The following OBP2A variants were observed in gnomAD, a reference collection of about 807,000 sequenced individuals.
OBP2A encodes odorant-binding protein 2a.
In OBP2A, 15 loss-of-function variants were observed where a neutral mutation model predicts 21.9. The observed-to-expected ratio is 0.69, with a 90% CI of 0.46 to 1.06. The LOEUF is 1.06. Among genes scored for constraint, OBP2A ranks in the 50% least tolerant of loss-of-function variants. OBP2A has a pLI of 0.00. For missense variants in OBP2A, 192 were observed against 220.1 expected (o/e 0.87, Z 0.81); for synonymous variants, 86 against 91.8 (o/e 0.94, Z 0.36).
At chr9:135,547,845 A>C in intron 3 of OBP2A, 26 bp from the exon 4 acceptor site, 1 of 1,529,120 alleles carries the variant, frequency 6.5e-7, no homozygotes, top group South Asian at 1.2e-5. Flanking sequence ...AGGGCACTGA[A>C]GACCCATCTT....
At position 135,548,721 on chromosome 9, in the gene OBP2A, T is replaced by C. The variant is rs1262821637; in HGVS notation, c.402T>C (p.Asn134=). 5 of 1,613,972 alleles carry C rather than the reference T, an allele frequency of 3.1e-6. No individual in the cohort carries two copies. Among genetic ancestry groups the C allele is most frequent in the South Asian group, 2.2e-5 (2 of 91,064 alleles). The change falls in exon 5 of 7, where the codon AAT becomes AAC. Residue 134 remains asparagine (N), a synonymous_variant. Transcript: ENST00000371776. The part of the protein sequence containing the change: ...YMGKLVGRNP[N]TNLEALEEFK... ...CCTCACCTGCAGGTAGGAATCCTAA[T>C]ACCAACCTGGAGGCCCTGGAAGAAT...
At chr9:135,547,282 C>T (rs1378613667) in intron 3 of OBP2A, 34 bp downstream of exon 3, 3 of 1,607,550 alleles carry the variant, frequency 1.9e-6, no homozygotes. Flanking sequence ...CTCCCCATGC[C>T]CAACCCCGGA....
intron 4 of OBP2A, among the ~76,000 whole-genome samples, chr9:135,548,248 C>T (rs1316398153): frequency 6.6e-6 from 1 of 152,156 alleles, no homozygotes; most frequent in Non-Finnish European, 1.5e-5. Context: ...GGGGCCTCAC[C>T]TTAAGGGGGA....
rs1564240291 is a variant in OBP2A at position 135,548,703 on chromosome 9, T to C, written c.389-5T>C. On this transcript the variant is annotated splice_polypyrimidine_tract_variant and splice_region_variant and intron_variant, in intron 4 of 6. Coordinates refer to ENST00000371776, the MANE Select transcript of OBP2A (RefSeq NM_014582.3). ...CCTTGGCTCACCTGGCCACCTCACC[T>C]GCAGGTAGGAATCCTAATACCAACC... The C allele has an allele frequency of 1.2e-6, 2 of 1,613,916 alleles. No individual in the cohort carries two copies. Among genetic ancestry groups the C allele is most frequent in the South Asian group, 2.2e-5 (2 of 91,068 alleles).
chr9:135,546,796 G>A lies in OBP2A; in HGVS notation c.91G>A (p.Val31Met), dbSNP rs564413983. The A allele has an allele frequency of 8.7e-6, 14 of 1,612,020 alleles. No homozygotes were observed. The highest frequency in any genetic ancestry group is 1.7e-4 in the Middle Eastern group (1 of 6,022). Residue 31 changes from valine (V) to methionine (M), a missense_variant, in exon 2 of 7, where the codon GTG becomes ATG. Val to Met is a conservative substitution (Grantham distance 21). Coordinates refer to ENST00000371776, the MANE Select transcript of OBP2A (RefSeq NM_014582.3). ...GCTCCAGATCACAGGGACCTGGTAC[G>A]TGAAGGCCATGGTGGTCGATAAGGA... ...EEEDITGTWY[V>M]KAMVVDKDFP...
chr9:135,549,339 A>G lies in OBP2A; in HGVS notation c.*1+8A>G, dbSNP rs1346334559. 3 of 1,499,282 alleles carry G rather than the reference A, an allele frequency of 2.0e-6. No homozygotes were observed. The highest frequency in any genetic ancestry group is 1.7e-4 in the Middle Eastern group (1 of 5,812). The allele number at this position is 1,499,282 out of a possible 1,614,324, so 92.9% of individuals were successfully genotyped here. On this transcript the variant is annotated splice_region_variant and intron_variant, in intron 6 of 6. Coordinates refer to ENST00000371776, the MANE Select transcript of OBP2A (RefSeq NM_014582.3). Reference sequence around the variant, plus strand: ...GCGTTCTCGAACACTAGGGTGAGTGAGCCTTTAGGAGGGCACTGGACAAGC... The same window carrying G: ...GCGTTCTCGAACACTAGGGTGAGTGGGCCTTTAGGAGGGCACTGGACAAGC...
rs1023762339 is a variant in OBP2A at position 135,548,583 on chromosome 9, C to G, written c.389-125C>G. ...CTGTCCCCAGCCCCACCCCTGAGCT[C>G]TGATCCACTCTCGGGCCTCTCCCCC... is the stretch of plus-strand genomic sequence containing the variant. On this transcript the variant is annotated intron_variant, in intron 4 of 6. Transcript: ENST00000371776. 12 of 1,419,960 alleles carry G rather than the reference C, an allele frequency of 8.5e-6. No homozygotes were observed. The African/African-American group carries it at 1.7e-4, about 20-fold the overall frequency. 88.0% of individuals were successfully genotyped at this position (1,419,960 alleles called of 1,614,324 possible). A position where few individuals can be genotyped will look rare whatever the true frequency, so the allele number is the denominator to read the frequency against.
At chr9:135,549,377 G>A (rs1564241130) in intron 6 of OBP2A, 46 bp downstream of exon 6, 3 of 1,445,052 alleles carry the variant, frequency 2.1e-6, no homozygotes, top group Non-Finnish European at 1.9e-6. Context: ...AGAGTCCTGG[G>A]TTCCCGGGGT....
Position 135,546,902 on chromosome 9 carries a change from T to C in OBP2A, c.197T>C (p.Phe66Ser), listed in dbSNP as rs771594866. 84 of 1,613,626 alleles carry C rather than the reference T, an allele frequency of 5.2e-5. No homozygotes were observed. Among genetic ancestry groups the C allele is most frequent in the Non-Finnish European group, 7.1e-5 (84 of 1,179,746 alleles). The change falls in exon 2 of 7, where the codon TTC becomes TCC. Residue 66 changes from phenylalanine to serine, a missense_variant. Coordinates refer to ENST00000371776, the MANE Select transcript of OBP2A (RefSeq NM_014582.3). ...ALGGGNLEAT[F>S]TFMREDRCIQ... ...GGCGGTGGGAACTTGGAAGCCACGT[T>C]CACCTTCATGTGAGTGTTGCCCACT...
chr9:135,547,577 C>T lies in OBP2A; in HGVS notation c.278-294C>T, dbSNP rs73667651. Among the ~76,000 whole-genome samples, 1,276 of 152,302 alleles carry T rather than the reference C, an allele frequency of 8.4e-3. 14 individuals are homozygous for T. The highest frequency in any genetic ancestry group is 0.022 in the African/African-American group (926 of 41,568). On this transcript the variant is annotated intron_variant, in intron 3 of 6. Coordinates refer to ENST00000371776, the MANE Select transcript of OBP2A (RefSeq NM_014582.3). ...GGCTGAGGGTTTGGGATCAGGAATC[C>T]GAGGGTTAGGGACAGGGAAGTGGGG...
chr9:135,546,418 G>T (rs62578294), intron 1 of OBP2A, among the ~76,000 whole-genome samples, 166 bp downstream of exon 1: 67,470 of 151,054 alleles, frequency 0.45, 14,792 homozygotes, highest in East Asian at 0.65. Flanking sequence ...CAGCAGACAC[G>T]GCCCCCCGAG....
At position 135,547,851 on chromosome 9, in the gene OBP2A, ATCT is replaced by A. The variant is rs780336844; in HGVS notation, c.278-16_278-14del. 2 of 1,572,256 alleles carry A rather than the reference ATCT, an allele frequency of 1.3e-6. No individual in the cohort carries two copies. Among genetic ancestry groups the A allele is most frequent in the African/African-American group, 2.7e-5 (2 of 73,608 alleles). Reference sequence around the variant, plus strand: ...CCGGGAATGAGGGCACTGAAGACCCATCTTCTCTGTCATCTACAGATGGGGGCA... The same window carrying A: ...CCGGGAATGAGGGCACTGAAGACCCATCTCTGTCATCTACAGATGGGGGCA... On this transcript the variant is annotated splice_polypyrimidine_tract_variant and intron_variant, in intron 3 of 6. Transcript: ENST00000371776.
chr9:135,547,309 C>T (rs1642635688), intron 3 of OBP2A, 61 bp downstream of exon 3: 9 of 1,558,918 alleles, frequency 5.8e-6, no homozygotes, highest in African/African-American at 1.4e-5. Flanking sequence ...AGCCCCACTG[C>T]AGGTGGAGAG....
chr9:135,546,714 A>G, intron 1 of OBP2A, 64 bp from the exon 2 acceptor site: 2 of 1,540,948 alleles, frequency 1.3e-6, no homozygotes, highest in South Asian at 1.2e-5. Flanking sequence ...TGCAGGCCTG[A>G]GTGCCAGGGT....
rs572372758 is a variant in OBP2A, at chr9:135,547,073, G to A, written c.207-105G>A. The A allele has an allele frequency of 2.3e-3, 3,284 of 1,457,574 alleles. 21 individuals are homozygous for A. The highest frequency in any genetic ancestry group is 3.3e-3 in the Middle Eastern group (14 of 4,218). 90.3% of individuals were successfully genotyped at this position (1,457,574 alleles called of 1,614,324 possible). On this transcript the variant is annotated intron_variant, in intron 2 of 6. Coordinates refer to ENST00000371776, the MANE Select transcript of OBP2A (RefSeq NM_014582.3). ...TCCTGAAGCTCGGTGGGGTGGGGGG[G>A]CAGTGGAATTTTCAGGTTGCCGGGT... is the stretch of plus-strand genomic sequence containing the variant.
chr9:135,547,321 G>A, intron 3 of OBP2A, 73 bp downstream of exon 3: 1 of 1,519,664 alleles, frequency 6.6e-7, no homozygotes, highest in South Asian at 1.1e-5. Flanking sequence ...GGTGGAGAGT[G>A]CCCAGGCCAC....
chr9:135,548,141 A>C (rs1320336850), intron 4 of OBP2A, among the ~76,000 whole-genome samples, 160 bp downstream of exon 4: 1 of 152,214 alleles, frequency 6.6e-6, no homozygotes, highest in African/African-American at 2.4e-5. Flanking sequence ...TGGCTGGTCC[A>C]AGTTCCTGAA....
chr9:135,548,607 C>T (rs756622095), intron 4 of OBP2A, 101 bp from the exon 5 acceptor site: 23 of 1,559,748 alleles, frequency 1.5e-5, no homozygotes, highest in South Asian at 6.0e-5. Context: ...GGCCTCTCCC[C>T]CGTCCTGATG....
At chr9:135,547,302 C>CT (rs1831967596) in intron 3 of OBP2A, 54 bp downstream of exon 3, 3 of 1,577,470 alleles carry the variant, frequency 1.9e-6, no homozygotes, top group Non-Finnish European at 2.6e-6. Context: ...ATGCACCAGC[C>CT]CCACTGCAGG....
Sources: gnomAD v4.1 joint callset for allele counts (sites outside exome capture counted in the v4.1 genomes callset) on GRCh38, gnomAD v4.1.1 for gene constraint, MANE v1.5 for transcripts, NCBI Gene and HGNC (gene_info 2026-07-23, HGNC 2026-07-21) for gene names.